RIMKLB: variants seen among roughly 807,000 people sequenced by gnomAD.
RIMKLB encodes the protein beta-citrylglutamate synthase B.
RIMKLB carries 7 observed loss-of-function variants against 32.0 expected under a neutral mutation model. That is an observed-to-expected ratio of 0.22 (90% CI 0.12 to 0.41). RIMKLB has a LOEUF of 0.41. Ranked by LOEUF, RIMKLB falls within the 10% of genes least tolerant of loss-of-function variation. The pLI, the probability that RIMKLB is intolerant of heterozygous loss-of-function variation, is 1.00. For synonymous variants in RIMKLB, 172 were observed against 185.1 expected (o/e 0.93, Z 0.57); for missense variants, 289 against 498.7 (o/e 0.58, Z 4.00).
intron 1 of RIMKLB, among the ~76,000 whole-genome samples, chr12:8,686,464 T>TC (rs1297480431): frequency 6.6e-6 from 1 of 151,582 alleles, no homozygotes; most frequent in Non-Finnish European, 1.5e-5. Flanking sequence ...TCTTTTCTTT[T>TC]TTTTTTTTTT....
At position 8,708,820 on chromosome 12, in the gene RIMKLB, G is replaced by A. The variant is rs142176706; in HGVS notation, c.-56-4991G>A. ...TTGCCTGAGTATTCCAAGATGCAGT[G>A]CTGTTTTTTATTGGTATGCTGATCC... On this transcript the variant is annotated intron_variant, in intron 1 of 5. Coordinates refer to ENST00000535829, the MANE Select transcript of RIMKLB (RefSeq NM_001297776.2). Among the ~76,000 whole-genome samples the A allele has an allele frequency of 6.3e-3, 964 of 152,296 alleles. 14 individuals carry two copies. Among genetic ancestry groups the A allele is most frequent in the African/African-American group, 0.021 (887 of 41,558 alleles).
intron 5 of RIMKLB, among the ~76,000 whole-genome samples, chr12:8,756,684 C>CTTTTTTTTTTT (rs145312687): frequency 1.1e-5 from 1 of 90,966 alleles, no homozygotes; most frequent in African/African-American, 4.4e-5. Context: ...TTACTTTCTA[C>CTTTTTTTTTTT]TTTTTTTTTT....
chr12:8,757,470 C>CAAAAAAAAAAAAAAAAAAAAAAAAAAAA (rs55670138), intron 5 of RIMKLB, among the ~76,000 whole-genome samples: 9 of 71,414 alleles, frequency 1.3e-4, no homozygotes, highest in African/African-American at 4.4e-4. Flanking sequence ...GACCCTGTCT[C>CAAAAAAAAAAAAAAAAAAAAAAAAAAAA]AAAAAAAAAA....
intron 1 of RIMKLB, among the ~76,000 whole-genome samples, chr12:8,699,340 T>C (rs1474108260): frequency 1.3e-5 from 2 of 152,222 alleles, no homozygotes; most frequent in Non-Finnish European, 2.9e-5. Context: ...TAAATTGAAA[T>C]GTTTTTAAAT....
At chr12:8,684,455 G>C (rs1942507314) in intron 1 of RIMKLB, among the ~76,000 whole-genome samples, 1 of 152,162 alleles carries the variant, frequency 6.6e-6, no homozygotes, top group Admixed American at 6.5e-5. Context: ...TTACAGGCAT[G>C]AGCCATCACA....
At chr12:8,687,589 C>G (rs929833524) in intron 1 of RIMKLB, among the ~76,000 whole-genome samples, 1 of 152,094 alleles carries the variant, frequency 6.6e-6, no homozygotes. Flanking sequence ...CCCCAAGTTG[C>G]CCTGGACAAA....
At chr12:8,685,816 ATTC>A (rs985021892) in intron 1 of RIMKLB, among the ~76,000 whole-genome samples, 64 of 146,178 alleles carry the variant, frequency 4.4e-4, no homozygotes, top group African/African-American at 1.6e-3. Context: ...GCTATTTTTT[ATTC>A]TTTTTTGAGA....
At chr12:8,757,857 A>C (rs1426226207) in intron 5 of RIMKLB, among the ~76,000 whole-genome samples, 1 of 152,130 alleles carries the variant, frequency 6.6e-6, no homozygotes. Context: ...ACTACCTTAG[A>C]ATTTCTCCTC....
Position 8,774,304 on chromosome 12 carries a change from G to A in RIMKLB, c.*520G>A. 1.0e-6 allele frequency: 1 copy of A among 985,162 alleles called. No homozygotes were observed. Among genetic ancestry groups the A allele is most frequent in the Non-Finnish European group, 1.2e-6 (1 of 829,716 alleles). The allele number at this position is 985,162 out of a possible 1,614,324, so 61.0% of individuals were successfully genotyped here. On this transcript the variant is annotated 3_prime_UTR_variant, in exon 6 of 6. Transcript: ENST00000535829. ...TAGTTTGTAGTTTATGAAATCTTGA[G>A]GGGCTCTTTTACTGGGATTTCTTAT...
In RIMKLB at chr12:8,782,681, A is replaced by G. The variant is rs114036039; in HGVS notation, c.*298-231A>G. Among the ~76,000 whole-genome samples, 385 of 152,264 alleles carry G rather than the reference A, an allele frequency of 2.5e-3. 4 individuals are homozygous for G. The highest frequency in any genetic ancestry group is 9.0e-3 in the African/African-American group (372 of 41,552). Reference sequence around the variant, plus strand: ...TAGATTTAGCTTTTATTTTTTAATGATAAGAACATTAAATGTCTTCTAAGT... The same window carrying G: ...TAGATTTAGCTTTTATTTTTTAATGGTAAGAACATTAAATGTCTTCTAAGT... On this transcript the variant is annotated intron_variant, in intron 7 of 7. Coordinates refer to the RIMKLB transcript ENST00000619374.
chr12:8,674,364 G>A, the RIMKLB span, among the ~76,000 whole-genome samples: 671 of 146,242 alleles, frequency 4.6e-3, 18 homozygotes, highest in African/African-American at 0.016. Flanking sequence ...TCAGCCTCCC[G>A]AGTAGCTGGG....
intron 2 of RIMKLB, chr12:8,742,878 CAG>C (rs1351449258): frequency 5.5e-6 from 1 of 182,204 alleles, no homozygotes; most frequent in Non-Finnish European, 1.1e-5. Context: ...CTCTGTGTAA[CAG>C]ATTCTCTGCA....
chr12:8,722,220 T>TA (rs34755699), intron 2 of RIMKLB, among the ~76,000 whole-genome samples: 103,173 of 147,658 alleles, frequency 0.7, 36,972 homozygotes, highest in East Asian at 0.85. Flanking sequence ...CTCACAGAGC[T>TA]AAAAAAAAAA....
intron 1 of RIMKLB, among the ~76,000 whole-genome samples, chr12:8,708,746 C>G (rs1944114480): frequency 6.6e-6 from 1 of 152,104 alleles, no homozygotes; most frequent in Non-Finnish European, 1.5e-5. Flanking sequence ...TGCTTATTTC[C>G]TATTTCAGAA....
At chr12:8,770,676 TCAA>T (rs929501591) in intron 5 of RIMKLB, among the ~76,000 whole-genome samples, 2 of 152,200 alleles carry the variant, frequency 1.3e-5, no homozygotes, top group African/African-American at 4.8e-5. Flanking sequence ...ATTCTCTCAT[TCAA>T]CAACAATTCA....
chr12:8,777,200 CTGCT>C (rs1427039912), downstream of RIMKLB: 22 of 883,928 alleles, frequency 2.5e-5, no homozygotes, highest in Admixed American at 2.9e-4. Flanking sequence ...GGTTCACTGA[CTGCT>C]TGCTTGCTTT....
intron 5 of RIMKLB, among the ~76,000 whole-genome samples, chr12:8,769,110 T>G (rs1950203815): frequency 6.6e-6 from 1 of 152,184 alleles, no homozygotes; most frequent in South Asian, 2.1e-4. Context: ...TTTTTCTCTT[T>G]TATTTACAGT....
intron 5 of RIMKLB, among the ~76,000 whole-genome samples, chr12:8,766,110 C>T (rs1949937460): frequency 6.6e-6 from 1 of 151,828 alleles, no homozygotes; most frequent in African/African-American, 2.4e-5. Context: ...GAATGTTTCC[C>T]ATCTGAAAAA....
chr12:8,713,439 A>C (rs1383066627), intron 1 of RIMKLB, among the ~76,000 whole-genome samples: 2 of 152,236 alleles, frequency 1.3e-5, no homozygotes, highest in African/African-American at 4.8e-5. Flanking sequence ...ATTTCATTTC[A>C]TATCAAGAAC....
Sources: gnomAD v4.1 joint callset for allele counts (sites outside exome capture counted in the v4.1 genomes callset) on GRCh38, gnomAD v4.1.1 for gene constraint, MANE v1.5 for transcripts, NCBI Gene and HGNC (gene_info 2026-07-23, HGNC 2026-07-21) for gene names.